CSMD1: variants seen among roughly 807,000 people sequenced by gnomAD.
CSMD1 encodes the protein CUB and Sushi multiple domains 1, also known as CUB and sushi domain-containing protein 1.
A neutral mutation model predicts 417.5 loss-of-function variants in CSMD1; 213 were observed. That is an observed-to-expected ratio of 0.51 (90% CI 0.46 to 0.57). The LOEUF is 0.57. Ranked by LOEUF, CSMD1 falls within the 20% of genes least tolerant of loss-of-function variation. The probability of loss-of-function intolerance (pLI) is 0.00; values close to 1 mark genes in which losing one functional copy is unlikely to be tolerated. For missense variants in CSMD1, 6,923 were observed against 4,529.7 expected (o/e 1.53, Z -15.17); for synonymous variants, 2,862 against 1,736.8 (o/e 1.65, Z -16.11).
At chr8:4,119,962 G>C (rs935874973) in intron 3 of CSMD1, among the ~76,000 whole-genome samples, 1 of 151,732 alleles carries the variant, frequency 6.6e-6, no homozygotes, top group Non-Finnish European at 1.5e-5. Flanking sequence ...AAAAAAATTA[G>C]TTTAAAAGAA....
rs1803670933 is a variant in CSMD1 at position 4,885,368 on chromosome 8, T to C, written c.85+108964A>G. The stretch of plus-strand genomic sequence containing the variant: ...ATGCTTTCTAAAACCTCTAGCACAA[T>C]GTTGAACAGAAGTACCAAAAAGGCA... On this transcript the variant is annotated intron_variant, in intron 1 of 69. Transcript: ENST00000635120. 2.0e-5 allele frequency among the ~76,000 whole-genome samples: 3 copies of C among 152,062 alleles called. No individual in the cohort carries two copies. In the South Asian group the frequency reaches 6.2e-4, roughly 32 times the overall value.
intron 6 of CSMD1, among the ~76,000 whole-genome samples, chr8:3,717,275 C>T (rs572966377): frequency 9.2e-5 from 14 of 152,254 alleles, no homozygotes; most frequent in African/African-American, 3.4e-4. Flanking sequence ...GATTAATCAA[C>T]TCTTTCAACG....
intron 5 of CSMD1, among the ~76,000 whole-genome samples, chr8:3,905,203 A>C (rs369404884): frequency 1.8e-4 from 28 of 152,338 alleles, no homozygotes; most frequent in African/African-American, 6.5e-4. Context: ...TATAAAAGAT[A>C]ATATTTTTTC....
intron 8 of CSMD1, among the ~76,000 whole-genome samples, chr8:3,600,026 G>T (rs1470305235): frequency 6.6e-6 from 1 of 152,148 alleles, no homozygotes; most frequent in Non-Finnish European, 1.5e-5. Flanking sequence ...ACCACAAGAG[G>T]CACCTCCTCA....
chr8:3,291,523 A>C (rs1383747615), intron 25 of CSMD1, among the ~76,000 whole-genome samples: 2 of 152,252 alleles, frequency 1.3e-5, no homozygotes, highest in African/African-American at 4.8e-5. Context: ...TGGTCTATTC[A>C]GAGATTCAAC....
chr8:4,519,022 C>T (rs752889950), intron 2 of CSMD1, among the ~76,000 whole-genome samples: 4 of 152,120 alleles, frequency 2.6e-5, no homozygotes, highest in Non-Finnish European at 5.9e-5. Context: ...TCTTTTTACC[C>T]AAACACTCCT....
chr8:4,783,651 G>C (rs1585091847), intron 1 of CSMD1, among the ~76,000 whole-genome samples: 1 of 152,202 alleles, frequency 6.6e-6, no homozygotes. Context: ...GGGAGCTCTT[G>C]TCATGAACAG....
chr8:4,063,480 C>T (rs1186609128), intron 3 of CSMD1, among the ~76,000 whole-genome samples: 1 of 152,024 alleles, frequency 6.6e-6, no homozygotes, highest in Non-Finnish European at 1.5e-5. Context: ...GTCTTATATG[C>T]GTCTATTAAA....
chr8:4,477,827 T>C (rs1045390807), intron 2 of CSMD1, among the ~76,000 whole-genome samples: 1 of 152,220 alleles, frequency 6.6e-6, no homozygotes, highest in African/African-American at 2.4e-5. Flanking sequence ...TGCTGTATTA[T>C]ATTTTTGGTT....
At chr8:4,928,602 C>G (rs1807033878) in intron 1 of CSMD1, among the ~76,000 whole-genome samples, 1 of 152,144 alleles carries the variant, frequency 6.6e-6, no homozygotes, top group Admixed American at 6.5e-5. Context: ...AGGCTATCCA[C>G]AAACGCGCTG....
At chr8:4,647,975 C>G (rs757656301) in intron 1 of CSMD1, among the ~76,000 whole-genome samples, 2 of 152,156 alleles carry the variant, frequency 1.3e-5, no homozygotes, top group Admixed American at 6.5e-5. Context: ...GTTCTAGATC[C>G]TTGAGGAACT....
intron 2 of CSMD1, among the ~76,000 whole-genome samples, chr8:4,502,489 T>A (rs1802309840): frequency 6.6e-6 from 1 of 152,170 alleles, no homozygotes; most frequent in Non-Finnish European, 1.5e-5. Flanking sequence ...ATTACCAAAT[T>A]CTGAGGGCCA....
chr8:4,566,670 A>G (rs890669598), intron 2 of CSMD1, among the ~76,000 whole-genome samples: 15 of 151,376 alleles, frequency 9.9e-5, no homozygotes, highest in Admixed American at 1.3e-4. Flanking sequence ...AAAAAAAAAA[A>G]AAAAAAAAGA....
intron 26 of CSMD1, among the ~76,000 whole-genome samples, chr8:3,274,450 G>C (rs1017706807): frequency 1.3e-5 from 2 of 152,096 alleles, no homozygotes; most frequent in Non-Finnish European, 1.5e-5. Flanking sequence ...AGGTCCGCTT[G>C]GTGCAGAGCT....
intron 3 of CSMD1, among the ~76,000 whole-genome samples, chr8:4,204,486 T>G (rs1213679618): frequency 1.3e-5 from 2 of 152,180 alleles, no homozygotes; most frequent in Admixed American, 6.5e-5. Flanking sequence ...TTCTAGATTG[T>G]AAAATAAACC....
At chr8:4,632,859 C>T (rs1475252873) in intron 2 of CSMD1, among the ~76,000 whole-genome samples, 3 of 152,022 alleles carry the variant, frequency 2.0e-5, no homozygotes, top group African/African-American at 4.8e-5. Context: ...AGGGAGAGGC[C>T]GGGAATAAGA....
At chr8:3,364,473 G>A (rs1294396562) in intron 20 of CSMD1, among the ~76,000 whole-genome samples, 1 of 152,166 alleles carries the variant, frequency 6.6e-6, no homozygotes, top group Non-Finnish European at 1.5e-5. Context: ...TTTTATTGTT[G>A]TTGGCTTGCT....
At chr8:4,918,081 G>A (rs552428947) in intron 1 of CSMD1, among the ~76,000 whole-genome samples, 1 of 110,862 alleles carries the variant, frequency 9.0e-6, no homozygotes, top group African/African-American at 3.6e-5. Context: ...TTATGAGTTA[G>A]CAATACTTTT....
At chr8:4,326,274 G>C (rs1401952311) in intron 3 of CSMD1, among the ~76,000 whole-genome samples, 1 of 152,078 alleles carries the variant, frequency 6.6e-6, no homozygotes, top group Non-Finnish European at 1.5e-5. Context: ...CTTCACATAC[G>C]GTGGGAGACT....
Sources: allele counts gnomAD v4.1 joint callset (sites outside exome capture counted in the v4.1 genomes callset), GRCh38; gene constraint gnomAD v4.1.1; transcripts MANE v1.5; gene names NCBI Gene and HGNC (gene_info 2026-07-23, HGNC 2026-07-21).